The following PDXK variants were observed in gnomAD, a reference collection of about 807,000 sequenced individuals.
The protein encoded by PDXK is pyridoxal kinase.
A neutral mutation model predicts 43.2 loss-of-function variants in PDXK; 15 were observed. The observed-to-expected ratio is 0.35, with a 90% CI of 0.23 to 0.53. The LOEUF (loss-of-function observed/expected upper bound fraction) is 0.53, where lower values mean the gene tolerates loss of function less well. Among genes scored for constraint, PDXK ranks in the 20% least tolerant of loss-of-function variants. PDXK has a pLI of 0.92. For missense variants in PDXK, 343 were observed against 417.0 expected (o/e 0.82, Z 1.54); for synonymous variants, 172 against 165.4 (o/e 1.04, Z -0.31).
Position 43,754,143 on chromosome 21 carries a change from G to A in PDXK, c.759+424G>A, listed in dbSNP as rs2083805068. ...GTGTGACCACGGCAGTGACCTGAGG[G>A]ACGGAAAGGCCGGAGCCGCCCTTCG... On this transcript the variant is annotated intron_variant, in intron 9 of 10. Coordinates refer to ENST00000291565, the MANE Select transcript of PDXK (RefSeq NM_003681.5). The surrounding 1 kb of genome is among the most constrained non-coding windows in gnomAD (Gnocchi z 5.5). Among the ~76,000 whole-genome samples, 1 of 152,234 alleles carries A rather than the reference G, an allele frequency of 6.6e-6. No individual in the cohort carries two copies. Among genetic ancestry groups the A allele is most frequent in the Non-Finnish European group, 1.5e-5 (1 of 68,030 alleles).
At chr21:43,736,965 GTC>G in intron 2 of PDXK, 1 of 701,118 alleles carries the variant, frequency 1.4e-6, no homozygotes, top group Admixed American at 2.0e-5. Context: ...GACAAGGTCG[GTC>G]TCTGTCGCCC....
intron 7 of PDXK, 141 bp from the exon 8 acceptor site, chr21:43,752,376 CG>C: frequency 1.6e-6 from 1 of 620,200 alleles, no homozygotes; most frequent in Non-Finnish European, 2.9e-6. Flanking sequence ...CCATTGGGAA[CG>C]GGCTCTGGGG....
Position 43,719,345 on chromosome 21 carries a change from C to T in PDXK, c.51C>T (p.Gly17=). The change falls in exon 1 of 11, where the codon GGC becomes GGT. Residue 17 remains glycine (G), a synonymous_variant. Coordinates refer to ENST00000291565, the MANE Select transcript of PDXK (RefSeq NM_003681.5). ...VLSIQSHVIR[G]YVGNRAATFP... ...CCATACAGAGCCACGTCATCCGCGG[C>T]TACGTGGGCAACCGGGCGGCCACGT... 1 of 1,526,440 alleles carries T rather than the reference C, an allele frequency of 6.6e-7. No homozygotes were observed. Among genetic ancestry groups the T allele is most frequent in the Non-Finnish European group, 8.8e-7 (1 of 1,138,120 alleles). The allele number at this position is 1,526,440 out of a possible 1,614,324, so 94.6% of individuals were successfully genotyped here. A position where few individuals can be genotyped will look rare whatever the true frequency, so the allele number is the denominator to read the frequency against.
intron 2 of PDXK, among the ~76,000 whole-genome samples, chr21:43,736,250 C>T (rs1315269068): frequency 6.6e-6 from 1 of 152,198 alleles, no homozygotes; most frequent in East Asian, 1.9e-4. Flanking sequence ...TCTGCATGCA[C>T]GACGGGCCTC....
chr21:43,743,803 G>A lies in PDXK; in HGVS notation c.327G>A (p.Val109=). 1 of 1,611,536 alleles carries A rather than the reference G, an allele frequency of 6.2e-7. No homozygotes were observed. Among genetic ancestry groups the A allele is most frequent in the East Asian group, 2.2e-5 (1 of 44,820 alleles). ...QELKQQNPRL[V]YVCDPVLGDK... ...TGAAGCAGCAGAACCCCAGGCTGGT[G>A]TACGGTAGGCAGGGGCCCACCCTCG... The change falls in exon 4 of 11, where the codon GTG becomes GTA. Residue 109 remains valine (V), a synonymous_variant. Coordinates refer to ENST00000291565, the MANE Select transcript of PDXK (RefSeq NM_003681.5).
At chr21:43,733,253 ACCC>A (rs1226314950) in intron 1 of PDXK, among the ~76,000 whole-genome samples, 279 of 56,188 alleles carry the variant, frequency 5.0e-3, no homozygotes, top group African/African-American at 0.016. Flanking sequence ...CCCCATCCCC[ACCC>A]CCCCCCCCGC....
rs978968564 is a variant in PDXK at position 43,733,411 on chromosome 21, G to T, written c.88-658G>T. Reference sequence around the variant, plus strand: ...GGGTTTGGGGCATTGCTGGTGCACGGGAGAGGGTGGGGATGGCCCCCCAAA... The same window carrying T: ...GGGTTTGGGGCATTGCTGGTGCACGTGAGAGGGTGGGGATGGCCCCCCAAA... On this transcript the variant is annotated intron_variant, in intron 1 of 10. Transcript: ENST00000291565. Among the ~76,000 whole-genome samples, 3 of 152,278 alleles carry T rather than the reference G, an allele frequency of 2.0e-5. No individual in the cohort carries two copies. In the South Asian group the frequency reaches 6.2e-4, roughly 32 times the overall value.
rs777493406 is a variant in PDXK at position 43,737,037 on chromosome 21, A to G, written c.142+2914A>G. The G allele has an allele frequency of 3.5e-5, 25 of 721,196 alleles. No homozygotes were observed. Among genetic ancestry groups the G allele is most frequent in the African/African-American group, 6.9e-5 (4 of 57,618 alleles). The allele number at this position is 721,196 out of a possible 1,614,324, so 44.7% of individuals were successfully genotyped here. ...AGCCTTGACCTCCTGGGCTGAAGCAATCTTTCTGCCTCCACCTCCCGAGTG... is the reference window on the plus strand; with the variant it reads ...AGCCTTGACCTCCTGGGCTGAAGCAGTCTTTCTGCCTCCACCTCCCGAGTG... On this transcript the variant is annotated intron_variant, in intron 2 of 10. Transcript: ENST00000291565. The surrounding 1 kb of genome is among the most constrained non-coding windows in gnomAD (Gnocchi z 4.8).
intron 1 of PDXK, chr21:43,733,514 C>A (rs2083354258): frequency 3.6e-6 from 1 of 277,448 alleles, no homozygotes; most frequent in Admixed American, 6.5e-5. Context: ...TCCTCTCCAT[C>A]TGTCTGGAAC....
chr21:43,737,054 T>C lies in PDXK; in HGVS notation c.142+2931T>C. 1.4e-6 allele frequency: 1 copy of C among 738,952 alleles called. No homozygotes were observed. The highest frequency in any genetic ancestry group is 2.4e-6 in the Non-Finnish European group (1 of 418,246). The allele number at this position is 738,952 out of a possible 1,614,324, so 45.8% of individuals were successfully genotyped here. A position where few individuals can be genotyped will look rare whatever the true frequency, so the allele number is the denominator to read the frequency against. On this transcript the variant is annotated intron_variant, in intron 2 of 10. Transcript: ENST00000291565. This position sits in a 1 kb window ranked among gnomAD's most constrained non-coding sequence, Gnocchi z 4.8. ...CTGAAGCAATCTTTCTGCCTCCACC[T>C]CCCGAGTGGCTGGGACTATAGTTGT...
In PDXK at chr21:43,754,033, A is replaced by G. The variant is rs2083803228; in HGVS notation, c.759+314A>G. Among the ~76,000 whole-genome samples, 1 of 152,226 alleles carries G rather than the reference A, an allele frequency of 6.6e-6. No individual in the cohort carries two copies. Among genetic ancestry groups the G allele is most frequent in the African/African-American group, 2.4e-5 (1 of 41,458 alleles). On this transcript the variant is annotated intron_variant, in intron 9 of 10. Coordinates refer to ENST00000291565, the MANE Select transcript of PDXK (RefSeq NM_003681.5). The surrounding 1 kb of genome is among the most constrained non-coding windows in gnomAD (Gnocchi z 5.5). ...GATGCCACCCGCTTGGCGTTGGCGC[A>G]GGGCTGTGGGATGCATGGAGCTGTT...
intron 1 of PDXK, chr21:43,729,151 T>A: frequency 2.8e-6 from 1 of 355,638 alleles, no homozygotes; most frequent in Non-Finnish European, 3.9e-6. Flanking sequence ...GCTTGGCGCT[T>A]GTTTACGGAG....
At chr21:43,748,129 T>C (rs2083669816) in intron 5 of PDXK, among the ~76,000 whole-genome samples, 1 of 152,212 alleles carries the variant, frequency 6.6e-6, no homozygotes, top group South Asian at 2.1e-4. Flanking sequence ...GCTGCTGAAA[T>C]GTTCCATGAA....
intron 10 of PDXK, 39 bp from the exon 11 acceptor site, chr21:43,755,912 T>C: frequency 6.5e-7 from 1 of 1,527,682 alleles, no homozygotes. Flanking sequence ...CGGGAGCCCC[T>C]CTGAGATGGG....
In PDXK at chr21:43,756,108, G is replaced by C; in HGVS notation, c.*45G>C. On this transcript the variant is annotated 3_prime_UTR_variant, in exon 11 of 11. Coordinates refer to ENST00000291565, the MANE Select transcript of PDXK (RefSeq NM_003681.5). ...TGACACGCAGCGCGTTGGTGTCTCC[G>C]TGTTTGTCCCTGTGAAAACATGTAA... 1 of 1,120,876 alleles carries C rather than the reference G, an allele frequency of 8.9e-7. No individual in the cohort carries two copies. Among genetic ancestry groups the C allele is most frequent in the Non-Finnish European group, 1.3e-6 (1 of 749,072 alleles). The allele number at this position is 1,120,876 out of a possible 1,614,324, so 69.4% of individuals were successfully genotyped here.
chr21:43,725,173 A>G (rs1297022274), intron 1 of PDXK, among the ~76,000 whole-genome samples: 1 of 152,118 alleles, frequency 6.6e-6, no homozygotes. Context: ...ATTACAAAAA[A>G]TTAGCCAGGC....
rs955256267 is a variant in PDXK at position 43,729,142 on chromosome 21, C to T, written c.88-4927C>T. ...CTTCCCACCCCGGCTCCGCTGGGTG[C>T]TTGGCGCTTGTTTACGGAGTTACAC... is the stretch of plus-strand genomic sequence containing the variant. On this transcript the variant is annotated intron_variant, in intron 1 of 10. Transcript: ENST00000291565. 8 of 441,430 alleles carry T rather than the reference C, an allele frequency of 1.8e-5. No individual in the cohort carries two copies. In the East Asian group the frequency reaches 1.1e-3, roughly 60 times the overall value. The allele number at this position is 441,430 out of a possible 1,614,324, so 27.3% of individuals were successfully genotyped here. A position where few individuals can be genotyped will look rare whatever the true frequency, so the allele number is the denominator to read the frequency against.
At chr21:43,743,883 A>G (rs2083590981) in intron 4 of PDXK, 76 bp downstream of exon 4, 1 of 987,300 alleles carries the variant, frequency 1.0e-6, no homozygotes, top group South Asian at 1.3e-5. Flanking sequence ...CCGGGAAGGG[A>G]CGTCTTAGCC....
chr21:43,725,023 G>A lies in PDXK; in HGVS notation c.87+5642G>A, dbSNP rs1359273998. Among the ~76,000 whole-genome samples the A allele has an allele frequency of 2.6e-5, 4 of 152,092 alleles. No individual in the cohort carries two copies. In the East Asian group the frequency reaches 7.7e-4, roughly 29 times the overall value. ...CACTGGAGGGTTCTCTTGGGGAAAT[G>A]GTTAAAACACCTGGTGTTGGCTGGG... On this transcript the variant is annotated intron_variant, in intron 1 of 10. Coordinates refer to ENST00000291565, the MANE Select transcript of PDXK (RefSeq NM_003681.5).
Sources: allele counts gnomAD v4.1 joint callset (sites outside exome capture counted in the v4.1 genomes callset), GRCh38; gene constraint gnomAD v4.1.1; non-coding constraint Gnocchi (gnomAD v3.1); transcripts MANE v1.5; gene names NCBI Gene and HGNC (gene_info 2026-07-23, HGNC 2026-07-21).